Variants in PTPRT observed in about 807,000 individuals in gnomAD.
The protein encoded by PTPRT is protein tyrosine phosphatase receptor type T.
A neutral mutation model predicts 176.8 loss-of-function variants in PTPRT; 56 were observed. The observed-to-expected ratio is 0.32, with a 90% confidence interval of 0.26 to 0.40. The LOEUF (loss-of-function observed/expected upper bound fraction) is 0.40, where lower values mean the gene tolerates loss of function less well. Ranked by LOEUF, PTPRT falls within the 10% of genes least tolerant of loss-of-function variation. PTPRT has a pLI of 1.00. For synonymous variants in PTPRT, 783 were observed against 739.0 expected (o/e 1.06, Z -0.96); for missense variants, 1,540 against 1,908.2 (o/e 0.81, Z 3.60).
intron 16 of PTPRT, among the ~76,000 whole-genome samples, chr20:42,182,385 G>A (rs1990560323): frequency 6.6e-6 from 1 of 152,182 alleles, no homozygotes; most frequent in African/African-American, 2.4e-5. Flanking sequence ...AATATGAAAG[G>A]AGAATGATGG....
intron 1 of PTPRT, among the ~76,000 whole-genome samples, chr20:43,073,260 T>C (rs2146274706): frequency 6.6e-6 from 1 of 152,338 alleles, no homozygotes; most frequent in Middle Eastern, 3.4e-3. Flanking sequence ...TGTATTACAT[T>C]GTAGATCACA....
In PTPRT at chr20:42,075,648, A is replaced by G. The variant is rs2146057064; in HGVS notation, c.*5231T>C. 1 of 211,304 alleles carries G rather than the reference A, an allele frequency of 4.7e-6. No homozygotes were observed. Among genetic ancestry groups the G allele is most frequent in the South Asian group, 1.9e-4 (1 of 5,332 alleles). 13.1% of individuals were successfully genotyped at this position (211,304 alleles called of 1,614,324 possible). On this transcript the variant is annotated 3_prime_UTR_variant, in exon 31 of 31. Transcript: ENST00000373187. ...GTCACTCCTGCAGAGGTAACAGGAT[A>G]AGGGCCTGGCTGCTACTCCCTGGGC...
chr20:42,402,210 G>A (rs1272486525), intron 9 of PTPRT, among the ~76,000 whole-genome samples: 1 of 152,030 alleles, frequency 6.6e-6, no homozygotes, highest in African/African-American at 2.4e-5. Context: ...TTCTGTTGTG[G>A]GTTTTGGTTC....
intron 1 of PTPRT, among the ~76,000 whole-genome samples, chr20:43,033,300 C>T (rs1377785033): frequency 6.6e-6 from 1 of 152,118 alleles, no homozygotes; most frequent in Non-Finnish European, 1.5e-5. Context: ...GGCTTTAATA[C>T]CTCTCTCCCT....
the PTPRT span, among the ~76,000 whole-genome samples, chr20:42,045,309 G>A: frequency 1.3e-5 from 2 of 151,926 alleles, no homozygotes; most frequent in Non-Finnish European, 2.9e-5. Context: ...AGTCAGCACT[G>A]AATTTACTAA....
chr20:43,011,493 C>A lies in PTPRT; in HGVS notation c.89-125561G>T, dbSNP rs574735574. Among the ~76,000 whole-genome samples the A allele has an allele frequency of 1.3e-3, 192 of 152,290 alleles. 4 individuals are homozygous for A. The South Asian group carries it at 0.023, about 18-fold the overall frequency. On this transcript the variant is annotated intron_variant, in intron 1 of 30. Coordinates refer to ENST00000373187, the MANE Select transcript of PTPRT (RefSeq NM_007050.6). ...ATCATGCTCCAGAATCAAAGATACA[C>A]ATGAAGTGGAGATCGATGCCTCAAG... is the stretch of plus-strand genomic sequence containing the variant.
intron 10 of PTPRT, among the ~76,000 whole-genome samples, chr20:42,350,979 C>T (rs1228806604): frequency 6.6e-6 from 1 of 152,174 alleles, no homozygotes; most frequent in Non-Finnish European, 1.5e-5. Context: ...CCTGCATGAA[C>T]CAAAACGTTC....
intron 2 of PTPRT, among the ~76,000 whole-genome samples, chr20:42,844,197 T>C (rs1430521801): frequency 6.6e-6 from 1 of 152,236 alleles, no homozygotes; most frequent in East Asian, 1.9e-4. Context: ...TGAAGTAGCA[T>C]TGGCGGTCAT....
At chr20:42,558,164 C>T (rs2072892428) in intron 7 of PTPRT, among the ~76,000 whole-genome samples, 2 of 152,124 alleles carry the variant, frequency 1.3e-5, no homozygotes, top group African/African-American at 4.8e-5. Context: ...TGAAAGGCCC[C>T]AGTGTGTGTT....
At position 42,570,494 on chromosome 20, in the gene PTPRT, G is replaced by T. The variant is rs181843094; in HGVS notation, c.1154-97932C>A. Among the ~76,000 whole-genome samples the T allele has an allele frequency of 4.5e-3, 689 of 152,232 alleles. 2 individuals are homozygous for T. Among genetic ancestry groups the T allele is most frequent in the Non-Finnish European group, 7.6e-3 (515 of 68,026 alleles). On this transcript the variant is annotated intron_variant, in intron 7 of 30. Transcript: ENST00000373187. ...CGCCCACAAATGCACTGCCTGATGG[G>T]TCTTTATTGCTTAATTACCAAGGTG...
intron 11 of PTPRT, among the ~76,000 whole-genome samples, chr20:42,331,432 TA>T (rs1412169646): frequency 6.4e-5 from 9 of 141,168 alleles, no homozygotes; most frequent in East Asian, 6.2e-4. Context: ...TTTTTTTTTT[TA>T]AATATAATAC....
At chr20:42,850,153 T>G (rs1368017959) in intron 2 of PTPRT, among the ~76,000 whole-genome samples, 1 of 152,200 alleles carries the variant, frequency 6.6e-6, no homozygotes, top group Non-Finnish European at 1.5e-5. Flanking sequence ...CCCTTCAGGT[T>G]TCTGAGCAGC....
chr20:42,497,419 G>C (rs929928491), intron 7 of PTPRT, among the ~76,000 whole-genome samples: 2 of 151,430 alleles, frequency 1.3e-5, no homozygotes, highest in African/African-American at 4.9e-5. Flanking sequence ...CCTCTTGGTG[G>C]GCAAAAGCTG....
intron 2 of PTPRT, among the ~76,000 whole-genome samples, chr20:42,859,212 C>A (rs2078616735): frequency 6.6e-6 from 1 of 152,136 alleles, no homozygotes. Flanking sequence ...CCCAAATGAC[C>A]CTCACAGCCA....
chr20:42,276,055 C>T (rs59026736), intron 13 of PTPRT, among the ~76,000 whole-genome samples: 8,369 of 152,126 alleles, frequency 0.055, 803 homozygotes, highest in African/African-American at 0.19. Flanking sequence ...AGTGATTCCC[C>T]ATTATGGCCC....
At chr20:43,058,659 A>C (rs1246631114) in intron 1 of PTPRT, among the ~76,000 whole-genome samples, 1 of 152,224 alleles carries the variant, frequency 6.6e-6, no homozygotes, top group African/African-American at 2.4e-5. Flanking sequence ...AGTGAGATGG[A>C]AACCAGGAAT....
At position 42,462,535 on chromosome 20, in the gene PTPRT, G is replaced by A. The variant is rs149749896; in HGVS notation, c.1450+9731C>T. On this transcript the variant is annotated intron_variant, in intron 8 of 30. Transcript: ENST00000373187. Reference sequence around the variant, plus strand: ...AAGCTGGGTAGAGAAGGGAATGAGGGCAATGAACAAGGTAGCAAGTCCTAG... The same window carrying A: ...AAGCTGGGTAGAGAAGGGAATGAGGACAATGAACAAGGTAGCAAGTCCTAG... Among the ~76,000 whole-genome samples the A allele has an allele frequency of 3.4e-3, 518 of 152,182 alleles. 3 individuals carry two copies. Among genetic ancestry groups the A allele is most frequent in the African/African-American group, 0.011 (472 of 41,524 alleles).
At position 43,059,796 on chromosome 20, in the gene PTPRT, T is replaced by G. The variant is rs2146250059; in HGVS notation, c.88+129850A>C. ...GAGTTCAAGACCAGCCTGGCCAACATGGTGAAACCCTGCCTCTACTAAAAA... is the reference window on the plus strand; with the variant it reads ...GAGTTCAAGACCAGCCTGGCCAACAGGGTGAAACCCTGCCTCTACTAAAAA... On this transcript the variant is annotated intron_variant, in intron 1 of 30. Coordinates refer to ENST00000373187, the MANE Select transcript of PTPRT (RefSeq NM_007050.6). 2.0e-5 allele frequency among the ~76,000 whole-genome samples: 3 copies of G among 152,148 alleles called. No individual in the cohort carries two copies. In the East Asian group the frequency reaches 5.8e-4, roughly 29 times the overall value.
chr20:42,714,054 GAAGT>G (rs2076186980), intron 6 of PTPRT, among the ~76,000 whole-genome samples: 2 of 152,330 alleles, frequency 1.3e-5, no homozygotes, highest in African/African-American at 4.8e-5. Context: ...AACACGGAAA[GAAGT>G]AAGCAGAACC....
Sources: allele counts gnomAD v4.1 joint callset (sites outside exome capture counted in the v4.1 genomes callset), GRCh38; gene constraint gnomAD v4.1.1; transcripts MANE v1.5; gene names NCBI Gene and HGNC (gene_info 2026-07-23, HGNC 2026-07-21).